The following TP53I13 variants were observed in gnomAD, a reference collection of about 807,000 sequenced individuals.
The protein encoded by TP53I13 is tumor protein p53-inducible protein 13.
TP53I13 carries 27 observed loss-of-function variants against 39.1 expected under a neutral mutation model. The ratio of observed to expected loss-of-function variants is 0.69; its 90% confidence interval spans 0.51 to 0.95. The LOEUF is 0.95. Ranked by LOEUF, TP53I13 falls within the 40% of genes least tolerant of loss-of-function variation. The pLI, the probability that TP53I13 is intolerant of heterozygous loss-of-function variation, is 0.00. For synonymous variants in TP53I13, 230 were observed against 224.6 expected (o/e 1.02, Z -0.22); for missense variants, 544 against 520.4 (o/e 1.05, Z -0.44).
upstream of TP53I13, chr17:29,566,803 G>T: frequency 1.3e-6 from 2 of 1,514,224 alleles, no homozygotes; most frequent in Non-Finnish European, 1.8e-6. Context: ...CTGGTCCGCC[G>T]GGCCTCCGCC....
Position 29,569,338 on chromosome 17 carries a change from C to T in TP53I13, c.162C>T (p.Tyr54=). Residue 54 remains tyrosine (Y), a synonymous_variant, in exon 3 of 7, where the codon TAC becomes TAT. Transcript: ENST00000301057. The part of the protein sequence containing the change: ...LPPQVSPRVT[Y]TRVSPGQAED... ...TATAGGTGTCACCAAGAGTGACCTA[C>T]ACACGAGTGAGCCCAGGGCAGGTGA... 1 of 1,613,934 alleles carries T rather than the reference C, an allele frequency of 6.2e-7. No homozygotes were observed. The highest frequency in any genetic ancestry group is 8.5e-7 in the Non-Finnish European group (1 of 1,179,922).
At chr17:29,569,385 C>T (rs772955899) in intron 3 of TP53I13, 26 bp downstream of exon 3, 1 of 1,612,062 alleles carries the variant, frequency 6.2e-7, no homozygotes, top group Non-Finnish European at 8.5e-7. Context: ...GGCCCACCAC[C>T]CTTGGTGTCC....
chr17:29,576,852 G>A (rs946094838), downstream of TP53I13: 24 of 1,576,926 alleles, frequency 1.5e-5, no homozygotes, highest in Non-Finnish European at 2.1e-5. Context: ...GAAGGAGGGT[G>A]GGACTCAGAC....
At position 29,572,902 on chromosome 17, in the gene TP53I13, C is replaced by A; in HGVS notation, c.1160C>A (p.Pro387Gln). The A allele has an allele frequency of 6.6e-7, 1 of 1,508,064 alleles. No individual in the cohort carries two copies. Among genetic ancestry groups the A allele is most frequent in the African/African-American group, 1.4e-5 (1 of 69,838 alleles). The allele number at this position is 1,508,064 out of a possible 1,614,324, so 93.4% of individuals were successfully genotyped here. ...CTCCCGCCCACGCCGGACAGCGGCC[C>A]GGAAGGCGAGAGCTCGGAGTGACGG... ...PLLPPTPDSGPEGESSE is the reference protein window; with the variant it reads ...PLLPPTPDSGQEGESSE The change falls in exon 7 of 7, where the codon CCG becomes CAG. Residue 387 changes from proline to glutamine, a missense_variant. Pro to Gln is a moderately conservative substitution (Grantham distance 76). Transcript: ENST00000301057.
the TP53I13 span, chr17:29,581,652 C>T: frequency 1.0e-6 from 1 of 987,466 alleles, no homozygotes; most frequent in Non-Finnish European, 1.6e-6. This position sits in a 1 kb window ranked among gnomAD's most constrained non-coding sequence, Gnocchi z 4.8. Flanking sequence ...GCTCTGTCAC[C>T]ATGGCACCTG....
chr17:29,574,749 C>T (rs1325503504), downstream of TP53I13: 1 of 1,613,548 alleles, frequency 6.2e-7, no homozygotes, highest in Non-Finnish European at 8.5e-7. Context: ...TGCTTGGCAG[C>T]CTTGGCGATG....
At chr17:29,576,990 A>G (rs773309128), downstream of TP53I13, 137 of 1,603,224 alleles carry the variant, frequency 8.5e-5, 2 homozygotes, top group Middle Eastern at 3.5e-3. Flanking sequence ...AGACAGCTCG[A>G]GGTTGTCTGA....
chr17:29,571,729 T>C lies in TP53I13; in HGVS notation c.312+10T>C. The C allele has an allele frequency of 6.2e-7, 1 of 1,614,066 alleles. No homozygotes were observed. The highest frequency in any genetic ancestry group is 1.1e-5 in the South Asian group (1 of 91,086). The stretch of plus-strand genomic sequence containing the variant: ...CCTCACGCAGGATCGGGTATGTAGC[T>C]GATGAAAGGCGCTTGCCTGGCCCTG... On this transcript the variant is annotated intron_variant, in intron 4 of 6. Coordinates refer to ENST00000301057, the MANE Select transcript of TP53I13 (RefSeq NM_138349.4).
chr17:29,567,598 GGCT>G (rs2032754952), upstream of TP53I13: 1 of 152,136 alleles, frequency 6.6e-6, no homozygotes. The surrounding 1 kb of genome is among the most constrained non-coding windows in gnomAD (Gnocchi z 6.6). Context: ...GCTGGCGGGA[GGCT>G]GCTGCTTCCC....
At chr17:29,579,577 C>A in the TP53I13 span, among the ~76,000 whole-genome samples, 1 of 152,090 alleles carries the variant, frequency 6.6e-6, no homozygotes, top group Non-Finnish European at 1.5e-5. Flanking sequence ...GATACAAAAG[C>A]AATTTAAAAA....
chr17:29,578,213 C>T, the TP53I13 span: 14 of 1,115,118 alleles, frequency 1.3e-5, no homozygotes, highest in Non-Finnish European at 1.8e-5. Flanking sequence ...ACCCCAGGCA[C>T]CCCTTCTTAG....
At chr17:29,576,481 G>C, downstream of TP53I13, 2 of 1,613,152 alleles carry the variant, frequency 1.2e-6, no homozygotes, top group Non-Finnish European at 8.5e-7. Flanking sequence ...CAACCCCCTG[G>C]AGTCCTGGGG....
At chr17:29,576,169 T>C (rs1181493989), downstream of TP53I13, 1 of 1,610,960 alleles carries the variant, frequency 6.2e-7, no homozygotes, top group African/African-American at 1.3e-5. Flanking sequence ...TGGTGGACCC[T>C]GCGGCAGCCC....
rs778930959 is a variant in TP53I13, at chr17:29,568,878, G to A, written c.72+48G>A. The A allele has an allele frequency of 7.8e-5, 124 of 1,599,362 alleles. No individual in the cohort carries two copies. Among genetic ancestry groups the A allele is most frequent in the Non-Finnish European group, 1.0e-4 (119 of 1,178,576 alleles). ...AGGCCTCGGCCCGCGAGCTCAAAGC[G>A]CTTTGCCAAAAGTTCGTCCTGGAAG... On this transcript the variant is annotated intron_variant, in intron 1 of 6. Coordinates refer to ENST00000301057, the MANE Select transcript of TP53I13 (RefSeq NM_138349.4). The surrounding 1 kb of genome is among the most constrained non-coding windows in gnomAD (Gnocchi z 4.5).
chr17:29,577,831 G>A (rs991501011), downstream of TP53I13: 27 of 790,316 alleles, frequency 3.4e-5, no homozygotes, highest in Non-Finnish European at 5.6e-5. Context: ...CTTCCTAGCT[G>A]CCCCCACGCC....
At chr17:29,568,626 G>C (rs2150795813), upstream of TP53I13, 1 of 427,638 alleles carries the variant, frequency 2.3e-6, no homozygotes, top group South Asian at 9.2e-5. This position sits in a 1 kb window ranked among gnomAD's most constrained non-coding sequence, Gnocchi z 4.5. Context: ...GGAGGGGCGC[G>C]CGCGAGCCCA....
downstream of TP53I13, chr17:29,576,001 G>A (rs888604502): frequency 1.7e-5 from 26 of 1,561,548 alleles, no homozygotes; most frequent in South Asian, 3.3e-5. Context: ...CTTAAGCCCC[G>A]AATTCAGCAC....
chr17:29,578,674 TG>T, the TP53I13 span: 4 of 1,423,116 alleles, frequency 2.8e-6, no homozygotes, highest in East Asian at 2.3e-5. Context: ...GAGCAGAGGG[TG>T]GGGGATCAGA....
At chr17:29,581,685 ACCTGCCCAGCCCCAG>A in the TP53I13 span, 1 of 1,418,676 alleles carries the variant, frequency 7.0e-7, no homozygotes, top group South Asian at 1.2e-5. The surrounding 1 kb of genome is among the most constrained non-coding windows in gnomAD (Gnocchi z 4.8). Context: ...TCCAGGTCCC[ACCTGCCCAGCCCCAG>A]CCAGGCCTGT....
Sources: gnomAD v4.1 joint callset for allele counts (sites outside exome capture counted in the v4.1 genomes callset) on GRCh38, gnomAD v4.1.1 for gene constraint, Gnocchi (gnomAD v3.1) non-coding constraint, MANE v1.5 for transcripts, NCBI Gene and HGNC (gene_info 2026-07-23, HGNC 2026-07-21) for gene names.